The following THSD7B variants were observed in gnomAD, a reference collection of about 807,000 sequenced individuals.
The protein encoded by THSD7B is thrombospondin type 1 domain containing 7B, also known as thrombospondin type-1 domain-containing protein 7B.
In THSD7B, 138 loss-of-function variants were observed where a neutral mutation model predicts 213.6. The ratio of observed to expected loss-of-function variants is 0.65; its 90% CI spans 0.56 to 0.74. THSD7B has a LOEUF of 0.74. Ranked by LOEUF, THSD7B falls within the 30% of genes least tolerant of loss-of-function variation. The pLI is 0.00. For missense variants in THSD7B, 1,931 were observed against 1,991.5 expected (o/e 0.97, Z 0.58); for synonymous variants, 742 against 687.0 (o/e 1.08, Z -1.25).
chr2:136,889,108 A>C (rs890046518), intron 2 of THSD7B, among the ~76,000 whole-genome samples: 8 of 152,174 alleles, frequency 5.3e-5, no homozygotes, highest in African/African-American at 1.9e-4. Flanking sequence ...CTTATAAATC[A>C]GTAAATGTGA....
At chr2:137,250,071 G>A (rs1000091252) in intron 10 of THSD7B, among the ~76,000 whole-genome samples, 1 of 152,144 alleles carries the variant, frequency 6.6e-6, no homozygotes, top group Non-Finnish European at 1.5e-5. Context: ...TTGCTACATT[G>A]TCTGTCCTGG....
At chr2:137,081,840 G>T (rs899505228) in intron 3 of THSD7B, among the ~76,000 whole-genome samples, 3 of 151,994 alleles carry the variant, frequency 2.0e-5, no homozygotes, top group African/African-American at 7.2e-5. Flanking sequence ...CTCTTTTGTT[G>T]TTTCTGCCCT....
chr2:136,889,133 G>A (rs1683772219), intron 2 of THSD7B, among the ~76,000 whole-genome samples: 1 of 152,094 alleles, frequency 6.6e-6, no homozygotes, highest in South Asian at 2.1e-4. Flanking sequence ...GTATTTCCAT[G>A]TCACTTTATT....
intron 12 of THSD7B, among the ~76,000 whole-genome samples, chr2:137,310,023 G>C (rs1281120677): frequency 6.6e-6 from 1 of 151,310 alleles, no homozygotes; most frequent in Non-Finnish European, 1.5e-5. Context: ...TATATACCCA[G>C]TAATGGGATG....
intron 5 of THSD7B, among the ~76,000 whole-genome samples, chr2:137,158,029 T>C (rs1679943239): frequency 6.6e-6 from 1 of 152,218 alleles, no homozygotes; most frequent in Non-Finnish European, 1.5e-5. Context: ...TATACAATGC[T>C]CTGGCACATC....
intron 2 of THSD7B, among the ~76,000 whole-genome samples, chr2:136,994,521 C>G (rs945928213): frequency 4.6e-5 from 7 of 152,112 alleles, no homozygotes; most frequent in Admixed American, 3.9e-4. Context: ...GAGCTGAGAT[C>G]GCACCACTGC....
intron 20 of THSD7B, among the ~76,000 whole-genome samples, chr2:137,636,616 T>A (rs1682837282): frequency 6.6e-6 from 1 of 152,250 alleles, no homozygotes; most frequent in Non-Finnish European, 1.5e-5. Flanking sequence ...AATTCCCATT[T>A]AAAATAGCTT....
At chr2:136,794,641 C>G (rs983252605) in intron 1 of THSD7B, among the ~76,000 whole-genome samples, 1 of 151,822 alleles carries the variant, frequency 6.6e-6, no homozygotes, top group Admixed American at 6.6e-5. Flanking sequence ...GTTTTATATG[C>G]CCTTGAGAGG....
chr2:136,806,431 C>A (rs769323326), intron 1 of THSD7B, among the ~76,000 whole-genome samples: 1 of 152,146 alleles, frequency 6.6e-6, no homozygotes, highest in Non-Finnish European at 1.5e-5. Context: ...TCCATGAAAT[C>A]TATCAAGAAG....
intron 5 of THSD7B, among the ~76,000 whole-genome samples, chr2:137,152,210 T>C (rs1679832413): frequency 6.6e-6 from 1 of 152,122 alleles, no homozygotes; most frequent in Non-Finnish European, 1.5e-5. Flanking sequence ...ACCACAAAAA[T>C]ACTCATCTAG....
At chr2:136,825,755 T>C (rs1682638357) in intron 1 of THSD7B, among the ~76,000 whole-genome samples, 1 of 144,778 alleles carries the variant, frequency 6.9e-6, no homozygotes, top group Admixed American at 7.3e-5. Flanking sequence ...TTTCACCATG[T>C]TGGCCAGACT....
intron 2 of THSD7B, among the ~76,000 whole-genome samples, chr2:136,910,381 C>A (rs886152060): frequency 1.3e-5 from 2 of 152,114 alleles, no homozygotes; most frequent in African/African-American, 4.8e-5. Flanking sequence ...TGTTCACTCA[C>A]ATTTGGGATT....
intron 16 of THSD7B, among the ~76,000 whole-genome samples, chr2:137,568,323 T>C (rs2105230115): frequency 6.6e-6 from 1 of 152,138 alleles, no homozygotes; most frequent in Admixed American, 6.5e-5. Context: ...GGCAAGGAAA[T>C]TGATGGTGCA....
intron 2 of THSD7B, among the ~76,000 whole-genome samples, chr2:137,055,693 A>G (rs1397055305): frequency 6.6e-6 from 1 of 152,208 alleles, no homozygotes; most frequent in African/African-American, 2.4e-5. Flanking sequence ...ATCAGTACCC[A>G]TCAGAAATCA....
intron 9 of THSD7B, among the ~76,000 whole-genome samples, chr2:137,241,878 C>T (rs1681914212): frequency 1.4e-5 from 2 of 147,708 alleles, no homozygotes; most frequent in Non-Finnish European, 3.0e-5. Flanking sequence ...CACTGCACTC[C>T]AGGCTAAGGG....
Position 137,487,690 on chromosome 2 carries a change from C to T in THSD7B, c.3138+36667C>T, listed in dbSNP as rs533386074. ...TCAGAGAATAGTACAAACACCTCTACGCAAATAAAATAGAAAATCTAGAAG... is the reference window on the plus strand; with the variant it reads ...TCAGAGAATAGTACAAACACCTCTATGCAAATAAAATAGAAAATCTAGAAG... On this transcript the variant is annotated intron_variant, in intron 15 of 27. Transcript: ENST00000409968. 1.1e-4 allele frequency among the ~76,000 whole-genome samples: 16 copies of T among 150,020 alleles called. 1 individual carries two copies. The highest frequency in any genetic ancestry group is 2.7e-4 in the African/African-American group (11 of 40,616).
At chr2:137,359,120 C>T (rs753740112) in intron 12 of THSD7B, among the ~76,000 whole-genome samples, 1 of 152,300 alleles carries the variant, frequency 6.6e-6, no homozygotes, top group South Asian at 2.1e-4. Context: ...CCACATGAAC[C>T]TTTGGCTTTT....
chr2:137,102,547 T>C (rs1179678082), intron 4 of THSD7B, among the ~76,000 whole-genome samples: 1 of 152,148 alleles, frequency 6.6e-6, no homozygotes, highest in Non-Finnish European at 1.5e-5. Flanking sequence ...GTTTGACGAA[T>C]TGACAGAAGT....
chr2:137,570,099 A>G (rs1354109343), intron 16 of THSD7B, among the ~76,000 whole-genome samples: 1 of 151,842 alleles, frequency 6.6e-6, no homozygotes, highest in African/African-American at 2.4e-5. Context: ...ATTAAAGTCC[A>G]TAGTTATTAA....
Sources: gnomAD v4.1 joint callset for allele counts (sites outside exome capture counted in the v4.1 genomes callset) on GRCh38, gnomAD v4.1.1 for gene constraint, MANE v1.5 for transcripts, NCBI Gene and HGNC (gene_info 2026-07-23, HGNC 2026-07-21) for gene names.